UPF3B: variants seen among roughly 807,000 people sequenced by gnomAD.
UPF3B encodes regulator of nonsense transcripts 3B.
UPF3B carries 7 observed loss-of-function variants against 40.3 expected under a neutral mutation model. The ratio of observed to expected loss-of-function variants is 0.17; its 90% CI spans 0.10 to 0.33. The LOEUF (loss-of-function observed/expected upper bound fraction) is 0.33, where lower values mean the gene tolerates loss of function less well. Among genes scored for constraint, UPF3B ranks in the 10% least tolerant of loss-of-function variants. UPF3B has a pLI of 1.00. For missense variants in UPF3B, 229 were observed against 358.9 expected (o/e 0.64, Z 2.93); for synonymous variants, 117 against 117.3 (o/e 1.00, Z 0.01).
At chrX:119,844,112 G>A (rs944160376) in intron 4 of UPF3B, among the ~76,000 whole-genome samples, 1 of 110,338 alleles carries the variant, frequency 9.1e-6, no homozygotes, top group Non-Finnish European at 1.9e-5. Context: ...GTGCAATGGT[G>A]CGGTCTCAGC....
intron 4 of UPF3B, among the ~76,000 whole-genome samples, chrX:119,821,030 C>T (rs1044657180): frequency 2.7e-5 from 3 of 111,344 alleles, no homozygotes; most frequent in African/African-American, 9.8e-5. Context: ...ATATAATCCC[C>T]AGTGTTGTAG....
At chrX:119,851,470 T>C in intron 3 of UPF3B, 25 bp downstream of exon 3, 1 of 1,091,298 alleles carries the variant, frequency 9.2e-7, no homozygotes, top group Non-Finnish European at 1.3e-6. Context: ...GAAATTCCCT[T>C]TTTACTTCAG....
At chrX:119,810,377 G>A (rs935757241) in intron 5 of UPF3B, among the ~76,000 whole-genome samples, 1 of 112,098 alleles carries the variant, frequency 8.9e-6, no homozygotes, top group South Asian at 3.7e-4. Context: ...AGCATCTATT[G>A]GGAAAGTGTA....
rs374400881 is a variant in UPF3B at position 119,813,054 on chromosome X, C to T, written c.602+2146G>A. ...CATTATTGGTGGCTCTTGTACCTGC[C>T]TCTTTGGCTATTTGTTTCTAAAAGC... On this transcript the variant is annotated intron_variant, in intron 5 of 6. Coordinates refer to the UPF3B transcript ENST00000636792. Among the ~76,000 whole-genome samples the T allele has an allele frequency of 5.4e-5, 6 of 111,424 alleles. No homozygotes were observed. In the East Asian group the frequency reaches 1.7e-3, roughly 31 times the overall value.
chrX:119,829,115 C>T (rs2428221), downstream of UPF3B, among the ~76,000 whole-genome samples: 5,997 of 110,881 alleles, frequency 0.054, 349 homozygotes, highest in African/African-American at 0.18. Flanking sequence ...TCCGCCTCCC[C>T]GGTTCAAGCG....
At chrX:119,807,723 A>G (rs1372581974) in intron 5 of UPF3B, 1 of 169,841 alleles carries the variant, frequency 5.9e-6, no homozygotes, top group Non-Finnish European at 9.4e-6. Context: ...GTAAATGACA[A>G]CTTGCCCATT....
intron 6 of UPF3B, among the ~76,000 whole-genome samples, chrX:119,806,836 G>A (rs1430152172): frequency 2.8e-5 from 3 of 108,516 alleles, no homozygotes; most frequent in East Asian, 2.9e-4. Context: ...CAAGACCAGC[G>A]TGGCCAACGT....
chrX:119,835,148 G>T, intron 10 of UPF3B, 121 bp from the exon 11 acceptor site: 1 of 808,688 alleles, frequency 1.2e-6, no homozygotes, highest in Non-Finnish European at 1.8e-6. Context: ...GACCAAAAAT[G>T]TGAGGGCACG....
chrX:119,807,573 T>C, exon 6 of UPF3B: 1 of 815,931 alleles, frequency 1.2e-6, no homozygotes, highest in Non-Finnish European at 1.5e-6. Flanking sequence ...GCTTCATCCC[T>C]GGATGATCCT....
intron 4 of UPF3B, among the ~76,000 whole-genome samples, chrX:119,817,992 C>T (rs1355503372): frequency 2.7e-5 from 3 of 111,921 alleles, no homozygotes; most frequent in African/African-American, 9.7e-5. Context: ...TTAGGCCAGG[C>T]GCAGTGGCTC....
chrX:119,808,416 G>T (rs1463642829), intron 5 of UPF3B, among the ~76,000 whole-genome samples: 1 of 97,264 alleles, frequency 1.0e-5, no homozygotes, highest in Non-Finnish European at 2.1e-5. Context: ...GCAGCTTAGG[G>T]GCAAGAGGCT....
chrX:119,843,726 T>C (rs1365718634), intron 4 of UPF3B, among the ~76,000 whole-genome samples: 1 of 112,547 alleles, frequency 8.9e-6, no homozygotes, highest in Non-Finnish European at 1.9e-5. Context: ...GGGTGACACA[T>C]CTAAGCCATT....
chrX:119,826,113 A>G (rs2055975809), intron 3 of UPF3B, among the ~76,000 whole-genome samples: 1 of 111,457 alleles, frequency 9.0e-6, no homozygotes, highest in Non-Finnish European at 1.9e-5. Context: ...GTGAGCCGAG[A>G]TCGTGCCACT....
intron 4 of UPF3B, among the ~76,000 whole-genome samples, chrX:119,820,626 A>ATTTTTTTTTTTT (rs370271993): frequency 1.1e-5 from 1 of 90,168 alleles, no homozygotes; most frequent in African/African-American, 4.3e-5. Flanking sequence ...AGCCTGGCCA[A>ATTTTTTTTTTTT]TTTTTTTTTT....
chrX:119,834,835 T>C lies in UPF3B; in HGVS notation c.*43A>G, dbSNP rs1174691869. ...TCTGGATTGCTTAACGTGTGCTCTT[T>C]GGCTGCCTAGACAGTCAGGACACCT... is the stretch of plus-strand genomic sequence containing the variant. On this transcript the variant is annotated 3_prime_UTR_variant, in exon 11 of 11. Transcript: ENST00000276201. The C allele has an allele frequency of 3.3e-6, 4 of 1,210,656 alleles. No homozygotes were observed. Among genetic ancestry groups the C allele is most frequent in the South Asian group, 3.5e-5 (2 of 56,965 alleles).
chrX:119,835,103 T>TA, intron 10 of UPF3B, 76 bp from the exon 11 acceptor site: 1 of 1,112,683 alleles, frequency 9.0e-7, no homozygotes, highest in South Asian at 1.8e-5. Context: ...GAGTCATAGT[T>TA]ATGTATGAAT....
intron 3 of UPF3B, among the ~76,000 whole-genome samples, chrX:119,826,869 C>A (rs780084493): frequency 3.6e-5 from 4 of 112,010 alleles, no homozygotes; most frequent in African/African-American, 1.3e-4. Flanking sequence ...CCAGTCAAAG[C>A]GAAATGGACT....
chrX:119,818,065 G>A (rs773798597), intron 4 of UPF3B, among the ~76,000 whole-genome samples: 1 of 108,908 alleles, frequency 9.2e-6, no homozygotes, highest in East Asian at 2.9e-4. Flanking sequence ...AGGGGTTCAA[G>A]ACCAGCCTGG....
At chrX:119,832,160 A>G (rs2056043914), downstream of UPF3B, among the ~76,000 whole-genome samples, 2 of 111,420 alleles carry the variant, frequency 1.8e-5, no homozygotes, top group South Asian at 3.7e-4. Context: ...GGGTCTCCCT[A>G]TGTTGCCCAG....
Sources: allele counts gnomAD v4.1 joint callset (sites outside exome capture counted in the v4.1 genomes callset), GRCh38; gene constraint gnomAD v4.1.1; transcripts MANE v1.5; gene names NCBI Gene and HGNC (gene_info 2026-07-23, HGNC 2026-07-21).